The following GRM8 variants were observed in gnomAD, a reference collection of about 807,000 sequenced individuals.
The protein encoded by GRM8 is metabotropic glutamate receptor 8.
A neutral mutation model predicts 87.2 loss-of-function variants in GRM8; 47 were observed. The ratio of observed to expected loss-of-function variants is 0.54; its 90% CI spans 0.43 to 0.69. The LOEUF (loss-of-function observed/expected upper bound fraction) is 0.69. Among genes scored for constraint, GRM8 ranks in the 30% least tolerant of loss-of-function variants. GRM8 has a pLI of 0.00. For missense variants in GRM8, 1,019 were observed against 1,139.2 expected (o/e 0.89, Z 1.52); for synonymous variants, 396 against 404.5 (o/e 0.98, Z 0.25).
In GRM8 at chr7:127,033,279, A is replaced by G. The variant is rs145587884; in HGVS notation, c.727+73217T>C. ...TTGGCTTCATTTCTCCAGCCTAAAA[A>G]TCTTCAGCTTTTAATTTTTTTTTAA... On this transcript the variant is annotated intron_variant, in intron 3 of 10. Transcript: ENST00000339582. 9.1e-3 allele frequency among the ~76,000 whole-genome samples: 1,386 copies of G among 152,080 alleles called. 13 individuals are homozygous for G. Among genetic ancestry groups the G allele is most frequent in the Non-Finnish European group, 0.014 (960 of 67,956 alleles).
chr7:126,784,511 T>C (rs555231477), intron 6 of GRM8, among the ~76,000 whole-genome samples: 1 of 152,300 alleles, frequency 6.6e-6, no homozygotes, highest in South Asian at 2.1e-4. Context: ...CCCCAAATTA[T>C]GGTACTGGCA....
At chr7:127,032,739 C>T (rs1193420536) in intron 3 of GRM8, among the ~76,000 whole-genome samples, 10 of 152,130 alleles carry the variant, frequency 6.6e-5, no homozygotes, top group Admixed American at 6.5e-4. Context: ...CAACTCTCCC[C>T]AGTATGGATC....
At chr7:126,731,929 C>T (rs559377429) in intron 7 of GRM8, among the ~76,000 whole-genome samples, 2 of 151,780 alleles carry the variant, frequency 1.3e-5, no homozygotes, top group Non-Finnish European at 2.9e-5. Context: ...TAAAGCAATA[C>T]TGTAAAGAAT....
chr7:127,075,775 A>T (rs571324039), intron 3 of GRM8, among the ~76,000 whole-genome samples: 1 of 152,244 alleles, frequency 6.6e-6, no homozygotes, highest in African/African-American at 2.4e-5. Context: ...GCCAGCACTA[A>T]CCACCTGGTT....
chr7:126,633,515 G>C (rs1295935166), intron 7 of GRM8, among the ~76,000 whole-genome samples: 1 of 152,066 alleles, frequency 6.6e-6, no homozygotes, highest in Non-Finnish European at 1.5e-5. Flanking sequence ...TGGAGCACTT[G>C]GATGACAAAA....
intron 2 of GRM8, among the ~76,000 whole-genome samples, chr7:127,201,931 C>T (rs1795631704): frequency 6.6e-6 from 1 of 152,158 alleles, no homozygotes; most frequent in South Asian, 2.1e-4. Context: ...GTAAAGTATA[C>T]TTGTTAAGGA....
intron 6 of GRM8, among the ~76,000 whole-genome samples, chr7:126,840,682 T>C (rs1350402661): frequency 1.3e-5 from 2 of 152,196 alleles, no homozygotes; most frequent in Non-Finnish European, 2.9e-5. Context: ...AATGAATATA[T>C]TTACACCAAG....
chr7:127,076,813 C>T (rs925684003), intron 3 of GRM8, among the ~76,000 whole-genome samples: 2 of 152,174 alleles, frequency 1.3e-5, no homozygotes, highest in Admixed American at 6.5e-5. Flanking sequence ...AAGGACTGCC[C>T]AAGTGGAGAA....
chr7:127,080,135 CA>C (rs1454850608), intron 3 of GRM8, among the ~76,000 whole-genome samples: 1 of 151,996 alleles, frequency 6.6e-6, no homozygotes, highest in Non-Finnish European at 1.5e-5. Flanking sequence ...ATTGTAACCA[CA>C]AGGGTCCTTA....
intron 2 of GRM8, among the ~76,000 whole-genome samples, chr7:127,142,368 A>G (rs1828318649): frequency 6.6e-6 from 1 of 152,174 alleles, no homozygotes; most frequent in Non-Finnish European, 1.5e-5. Context: ...TACACAAGCT[A>G]AATGAGGCAC....
intron 6 of GRM8, among the ~76,000 whole-genome samples, chr7:126,844,798 T>A (rs1796573125): frequency 6.6e-6 from 1 of 152,208 alleles, no homozygotes; most frequent in African/African-American, 2.4e-5. Flanking sequence ...TCTCTCTTAC[T>A]CTTCTTCTTA....
intron 3 of GRM8, among the ~76,000 whole-genome samples, chr7:126,931,215 G>T (rs920175215): frequency 6.6e-6 from 1 of 152,138 alleles, no homozygotes; most frequent in Non-Finnish European, 1.5e-5. Flanking sequence ...TATGACAAGA[G>T]CTCCTACAAT....
chr7:126,729,799 T>G (rs894581605), intron 7 of GRM8, among the ~76,000 whole-genome samples: 1 of 152,106 alleles, frequency 6.6e-6, no homozygotes, highest in African/African-American at 2.4e-5. Flanking sequence ...TTTGGGTTTG[T>G]AAGAATAAGT....
At chr7:126,567,079 G>A (rs1271959957) in intron 8 of GRM8, among the ~76,000 whole-genome samples, 5 of 152,072 alleles carry the variant, frequency 3.3e-5, no homozygotes, top group Non-Finnish European at 7.4e-5. Flanking sequence ...ATGTTGCCAG[G>A]GAATGGGGGC....
chr7:126,944,373 G>A (rs376352729), intron 3 of GRM8, among the ~76,000 whole-genome samples: 2 of 152,290 alleles, frequency 1.3e-5, no homozygotes, highest in East Asian at 1.9e-4. Context: ...CCTAGAGGCT[G>A]GGCCTGGAGT....
chr7:126,581,627 CTT>C (rs561302270), intron 8 of GRM8, among the ~76,000 whole-genome samples: 9 of 151,828 alleles, frequency 5.9e-5, no homozygotes, highest in African/African-American at 2.2e-4. Flanking sequence ...CATTACGGTG[CTT>C]TTTTTTATTG....
At chr7:126,441,836 T>C (rs538844792) in intron 10 of GRM8, among the ~76,000 whole-genome samples, 1 of 152,192 alleles carries the variant, frequency 6.6e-6, no homozygotes, top group Non-Finnish European at 1.5e-5. Flanking sequence ...TTCATTGTTG[T>C]TATTTTTTAT....
intron 3 of GRM8, among the ~76,000 whole-genome samples, chr7:127,024,692 T>G (rs1816608099): frequency 6.6e-6 from 1 of 152,010 alleles, no homozygotes. Context: ...ACATATCAGG[T>G]CTTCCCTCCT....
intron 2 of GRM8, among the ~76,000 whole-genome samples, chr7:127,169,745 G>A (rs1321384580): frequency 6.6e-6 from 1 of 152,166 alleles, no homozygotes; most frequent in Non-Finnish European, 1.5e-5. Context: ...GAAAATCCTA[G>A]GGCCCTTAAG....
Sources: allele counts gnomAD v4.1 joint callset (sites outside exome capture counted in the v4.1 genomes callset), GRCh38; gene constraint gnomAD v4.1.1; transcripts MANE v1.5; gene names NCBI Gene and HGNC (gene_info 2026-07-23, HGNC 2026-07-21).